Variants in POLR1C observed in about 807,000 individuals in gnomAD.
POLR1C encodes RNA polymerase I and III subunit C, also known as DNA-directed RNA polymerases I and III subunit RPAC1.
A neutral mutation model predicts 38.3 loss-of-function variants in POLR1C; 42 were observed. The observed-to-expected ratio is 1.10, with a 90% confidence interval of 0.86 to 1.42. The LOEUF is 1.42. Among genes scored for constraint, POLR1C ranks in the 40% most tolerant of loss-of-function variants. The probability of loss-of-function intolerance (pLI) is 0.00; values close to 1 mark genes in which losing one functional copy is unlikely to be tolerated. For missense variants in POLR1C, 507 were observed against 450.5 expected (o/e 1.13, Z -1.14); for synonymous variants, 163 against 163.9 (o/e 0.99, Z 0.04).
intron 9 of POLR1C, chr6:43,546,421 TA>T: frequency 2.7e-6 from 2 of 730,362 alleles, no homozygotes; most frequent in Non-Finnish European, 3.9e-6. Flanking sequence ...TTATTTTTTT[TA>T]AAACTGAGAC....
At chr6:43,535,266 C>T (rs374515141) in intron 9 of POLR1C, among the ~76,000 whole-genome samples, 2 of 125,668 alleles carry the variant, frequency 1.6e-5, no homozygotes, top group Admixed American at 7.3e-5. Flanking sequence ...TCTCAAAAAA[C>T]AACAACAACA....
intron 9 of POLR1C, chr6:43,546,454 C>T: frequency 9.8e-7 from 1 of 1,016,070 alleles, no homozygotes; most frequent in South Asian, 2.7e-5. Flanking sequence ...AGAAATAAGA[C>T]TTAAATCAAT....
chr6:43,548,415 T>G, intron 9 of POLR1C: 1 of 1,605,676 alleles, frequency 6.2e-7, no homozygotes, highest in South Asian at 1.1e-5. Context: ...AGTAGCTCAT[T>G]GGAGAGGAGT....
exon 11 of POLR1C, chr6:43,561,899 T>TG (rs1332384746): frequency 5.9e-6 from 1 of 169,514 alleles, no homozygotes; most frequent in Non-Finnish European, 1.3e-5. Context: ...AAAGAGTTCT[T>TG]TATTCAAGTC....
At chr6:43,523,602 G>A, downstream of POLR1C, 1 of 678,688 alleles carries the variant, frequency 1.5e-6, no homozygotes, top group Non-Finnish European at 2.8e-6. Context: ...AGCTTTTCTT[G>A]GAAAAGCCAA....
chr6:43,558,589 C>A, intron 10 of POLR1C: 3 of 1,580,416 alleles, frequency 1.9e-6, no homozygotes, highest in African/African-American at 1.4e-5. Flanking sequence ...AAGGAAAGCC[C>A]ATCTGGAAAA....
chr6:43,528,351 G>A, intron 8 of POLR1C: 1 of 749,254 alleles, frequency 1.3e-6, no homozygotes, highest in Non-Finnish European at 2.2e-6. Flanking sequence ...CACACCACAA[G>A]GTTAAAAAAA....
intron 8 of POLR1C, chr6:43,526,689 T>G: frequency 6.2e-7 from 1 of 1,613,904 alleles, no homozygotes; most frequent in Non-Finnish European, 8.5e-7. Flanking sequence ...ACTTACCGTC[T>G]CCATCTGCTG....
At chr6:43,525,760 G>A, downstream of POLR1C, 1 of 1,445,932 alleles carries the variant, frequency 6.9e-7, no homozygotes, top group South Asian at 1.3e-5. Context: ...ACTCTTGATA[G>A]CACCATAGAG....
intron 9 of POLR1C, chr6:43,539,175 G>C: frequency 9.0e-7 from 1 of 1,113,672 alleles, no homozygotes; most frequent in Non-Finnish European, 1.3e-6. Context: ...ACGGTGTGGG[G>C]CTTGCCGATC....
rs1332242628 is a variant in POLR1C at position 43,520,972 on chromosome 6, C to T, written c.846C>T (p.Thr282=). The T allele has an allele frequency of 3.7e-6, 6 of 1,614,124 alleles. No homozygotes were observed. The East Asian group carries it at 1.1e-4, about 30-fold the overall frequency. Residue 282 remains threonine (T), a synonymous_variant, in exon 8 of 9, where the codon ACC becomes ACT. Transcript: ENST00000642195. ...VARVANPRLD[T]FSREIFRNEK... is the part of the protein sequence containing the mutation. ...GAGTTGCCAACCCCCGGCTGGATACCTTCAGCAGAGAAATCTTCCGGAATG... is the reference window on the plus strand; with the variant it reads ...GAGTTGCCAACCCCCGGCTGGATACTTTCAGCAGAGAAATCTTCCGGAATG...
At chr6:43,521,565 C>T (rs143891786), downstream of POLR1C, 2 of 930,334 alleles carry the variant, frequency 2.1e-6, no homozygotes, top group African/African-American at 1.7e-5. Context: ...CACTGTGTTG[C>T]CCAGGCTGGA....
At position 43,539,152 on chromosome 6, in the gene POLR1C, C is replaced by T. The variant is rs1467204555; in HGVS notation, c.*4+9793C>T. The T allele has an allele frequency of 4.4e-6, 5 of 1,131,002 alleles. No homozygotes were observed. The African/African-American group carries it at 4.6e-5, about 10-fold the overall frequency. The allele number at this position is 1,131,002 out of a possible 1,614,324, so 70.1% of individuals were successfully genotyped here. A position where few individuals can be genotyped will look rare whatever the true frequency, so the allele number is the denominator to read the frequency against. On this transcript the variant is annotated intron_variant, in intron 9 of 10. Coordinates refer to the POLR1C transcript ENST00000607635. Reference sequence around the variant, plus strand: ...CCAGCACAGAGCCACGGCGGCCTGTCACCTTGCAGGGGACGGTGTGGGGCT... The same window carrying T: ...CCAGCACAGAGCCACGGCGGCCTGTTACCTTGCAGGGGACGGTGTGGGGCT...
intron 9 of POLR1C, chr6:43,539,270 T>C (rs1232508548): frequency 2.0e-6 from 3 of 1,489,814 alleles, no homozygotes; most frequent in African/African-American, 1.4e-5. Context: ...GGCCACCTCC[T>C]TGGAGCACTT....
rs749524845 is a variant in POLR1C, at chr6:43,520,451, G to A, written c.655+24G>A. ...TGGTGAGAACCCTGTGTGCCTTCCT[G>A]GGAAGGGGGATAGTTCGGTTGCAGT... On this transcript the variant is annotated intron_variant, in intron 6 of 8. Coordinates refer to ENST00000642195, the MANE Select transcript of POLR1C (RefSeq NM_203290.4). 1.4e-5 allele frequency: 22 copies of A among 1,612,660 alleles called. No individual in the cohort carries two copies. The African/African-American group carries it at 2.3e-4, about 17-fold the overall frequency.
chr6:43,550,058 G>GT (rs1452840479), intron 9 of POLR1C: 5 of 1,004,748 alleles, frequency 5.0e-6, no homozygotes, highest in Non-Finnish European at 4.6e-6. Flanking sequence ...AGCCTTCTGA[G>GT]TAGCTGGGAC....
chr6:43,524,643 C>G (rs771679622), downstream of POLR1C: 1 of 1,613,100 alleles, frequency 6.2e-7, no homozygotes, highest in Non-Finnish European at 8.5e-7. Context: ...GCGCTGATAT[C>G]AGCAGGGATA....
intron 2 of POLR1C, 30 bp downstream of exon 2, chr6:43,517,407 G>C: frequency 6.3e-7 from 1 of 1,592,162 alleles, no homozygotes; most frequent in Non-Finnish European, 8.6e-7. Flanking sequence ...TCTGGGGAGG[G>C]TTATGAAGGC....
chr6:43,553,491 A>C, intron 10 of POLR1C: 1 of 1,556,888 alleles, frequency 6.4e-7, no homozygotes, highest in Non-Finnish European at 8.7e-7. Context: ...TCCAGTTCCA[A>C]CTGCAGAACA....
Sources: gnomAD v4.1 joint callset for allele counts (sites outside exome capture counted in the v4.1 genomes callset) on GRCh38, gnomAD v4.1.1 for gene constraint, MANE v1.5 for transcripts, NCBI Gene and HGNC (gene_info 2026-07-23, HGNC 2026-07-21) for gene names.